Variants in ATXN1 observed in about 807,000 individuals in gnomAD.
ATXN1 encodes ataxin-1.
A neutral mutation model predicts 56.4 loss-of-function variants in ATXN1; 8 were observed. The ratio of observed to expected loss-of-function variants is 0.14; its 90% CI spans 0.08 to 0.26. The LOEUF is 0.26. ATXN1 is among the 10% of genes least tolerant of loss of function. The pLI is 1.00. For synonymous variants in ATXN1, 514 were observed against 494.6 expected, an observed-to-expected ratio of 1.04 and a Z score of -0.52; for missense variants, 987 against 1,106.5, an observed-to-expected ratio of 0.89 and a Z score of 1.53.
chr6:16,722,699 T>C (rs1719734562), intron 2 of ATXN1, among the ~76,000 whole-genome samples: 1 of 152,236 alleles, frequency 6.6e-6, no homozygotes, highest in Non-Finnish European at 1.5e-5. Flanking sequence ...ATGATAGTAA[T>C]CAAACCTGAG....
At chr6:16,374,782 T>C (rs961982234) in intron 6 of ATXN1, among the ~76,000 whole-genome samples, 1 of 152,146 alleles carries the variant, frequency 6.6e-6, no homozygotes, top group Non-Finnish European at 1.5e-5. Context: ...GGGAATGCTA[T>C]AGAAGGAGGA....
At chr6:16,403,659 T>C (rs2113540148) in intron 6 of ATXN1, among the ~76,000 whole-genome samples, 1 of 152,290 alleles carries the variant, frequency 6.6e-6, no homozygotes, top group East Asian at 1.9e-4. Context: ...CCCTAAGCTC[T>C]TTAAATGCAG....
chr6:16,529,825 A>C (rs972658082), intron 4 of ATXN1, among the ~76,000 whole-genome samples: 3 of 152,104 alleles, frequency 2.0e-5, no homozygotes, highest in Non-Finnish European at 1.5e-5. Context: ...CTCCATGGTA[A>C]ATTTTTGTCG....
intron 5 of ATXN1, among the ~76,000 whole-genome samples, chr6:16,498,210 C>A (rs758891654): frequency 3.3e-5 from 5 of 152,160 alleles, no homozygotes; most frequent in Admixed American, 6.5e-5. Context: ...GTTGTCTATT[C>A]TGGATGTTGT....
rs552750166 is a variant in ATXN1, at chr6:16,740,002, A to C, written c.-615+13231T>G. ...GTATCTCCTTGACTCCTGGGGGAAAAGCTGTAAAGAGATTGAGGAGGGCAC... is the reference window on the plus strand; with the variant it reads ...GTATCTCCTTGACTCCTGGGGGAAACGCTGTAAAGAGATTGAGGAGGGCAC... On this transcript the variant is annotated intron_variant, in intron 2 of 7. Coordinates refer to ENST00000436367, the MANE Select transcript of ATXN1 (RefSeq NM_001128164.2). 7.5e-6 allele frequency: 3 copies of C among 401,814 alleles called. No individual in the cohort carries two copies. In the Admixed American group the frequency reaches 7.8e-5, roughly 10 times the overall value. The allele number at this position is 401,814 out of a possible 1,614,324, so 24.9% of individuals were successfully genotyped here.
intron 3 of ATXN1, among the ~76,000 whole-genome samples, chr6:16,598,150 C>CA (rs1023438098): frequency 2.0e-5 from 3 of 151,938 alleles, no homozygotes; most frequent in Non-Finnish European, 2.9e-5. Context: ...AAAGTTAAAA[C>CA]AAAAAATTAA....
chr6:16,355,701 A>T (rs1458518864), intron 6 of ATXN1, among the ~76,000 whole-genome samples: 2 of 152,184 alleles, frequency 1.3e-5, no homozygotes, highest in Non-Finnish European at 2.9e-5. Flanking sequence ...AGCTGGGATT[A>T]TAGGCATGCG....
At chr6:16,392,729 C>T (rs1758381055) in intron 6 of ATXN1, among the ~76,000 whole-genome samples, 1 of 152,170 alleles carries the variant, frequency 6.6e-6, no homozygotes, top group Non-Finnish European at 1.5e-5. Context: ...CTCCTGACCT[C>T]AGGTGATCCA....
intron 2 of ATXN1, among the ~76,000 whole-genome samples, chr6:16,673,029 AAAAAAAAGAAAAG>A (rs944171037): frequency 6.6e-5 from 10 of 151,532 alleles, no homozygotes; most frequent in Non-Finnish European, 1.5e-4. Context: ...CCAAAAAAAA[AAAAAAAAGAAAAG>A]AAAAGAAAGA....
At chr6:16,344,991 C>T (rs1162324903) in intron 6 of ATXN1, among the ~76,000 whole-genome samples, 2 of 152,210 alleles carry the variant, frequency 1.3e-5, no homozygotes, top group African/African-American at 4.8e-5. Flanking sequence ...GACTGAAGTT[C>T]ACAACCCCTT....
At chr6:16,709,366 A>G (rs993598769) in intron 2 of ATXN1, among the ~76,000 whole-genome samples, 1 of 152,184 alleles carries the variant, frequency 6.6e-6, no homozygotes, top group African/African-American at 2.4e-5. Flanking sequence ...TACCAATAGC[A>G]AGAATAAACA....
At chr6:16,748,642 GA>G (rs529420265) in intron 2 of ATXN1, among the ~76,000 whole-genome samples, 5 of 152,138 alleles carry the variant, frequency 3.3e-5, no homozygotes, top group Non-Finnish European at 7.4e-5. Flanking sequence ...ATATTCCCTA[GA>G]GGGCCTTGTT....
intron 2 of ATXN1, among the ~76,000 whole-genome samples, chr6:16,729,073 A>G (rs1219763079): frequency 6.6e-6 from 1 of 152,226 alleles, no homozygotes; most frequent in East Asian, 1.9e-4. Flanking sequence ...AAGTCTTCCT[A>G]CAGAATGATG....
chr6:16,381,289 A>G (rs375264265), intron 6 of ATXN1, among the ~76,000 whole-genome samples: 29 of 152,256 alleles, frequency 1.9e-4, no homozygotes, highest in African/African-American at 6.7e-4. Context: ...CCATCATGAA[A>G]AAAAAAGGGG....
intron 2 of ATXN1, among the ~76,000 whole-genome samples, chr6:16,735,013 A>T (rs971149996): frequency 6.6e-6 from 1 of 152,142 alleles, no homozygotes; most frequent in Non-Finnish European, 1.5e-5. Flanking sequence ...ATTTTATTTT[A>T]TATTTAGTAA....
chr6:16,617,953 A>G (rs6941480), intron 3 of ATXN1, among the ~76,000 whole-genome samples: 35,392 of 151,562 alleles, frequency 0.23, 4,581 homozygotes, highest in African/African-American at 0.33. Context: ...ATCAAAATAA[A>G]CGATAAATAT....
chr6:16,532,588 C>T (rs1027562537), intron 4 of ATXN1, among the ~76,000 whole-genome samples: 5 of 152,024 alleles, frequency 3.3e-5, no homozygotes, highest in Non-Finnish European at 5.9e-5. Flanking sequence ...AGAAAATATG[C>T]AAATGACCAT....
At chr6:16,574,546 T>G (rs1420940737) in intron 4 of ATXN1, among the ~76,000 whole-genome samples, 1 of 152,226 alleles carries the variant, frequency 6.6e-6, no homozygotes, top group South Asian at 2.1e-4. Flanking sequence ...GGTTTCACCA[T>G]GTTGGCCAGT....
At chr6:16,648,024 G>A (rs891953891) in intron 3 of ATXN1, among the ~76,000 whole-genome samples, 9 of 152,156 alleles carry the variant, frequency 5.9e-5, no homozygotes, top group Admixed American at 1.3e-4. Context: ...GCAGTGAGCC[G>A]AAATTGCGCT....
Sources: allele counts gnomAD v4.1 joint callset (sites outside exome capture counted in the v4.1 genomes callset), GRCh38; gene constraint gnomAD v4.1.1; transcripts MANE v1.5; gene names NCBI Gene and HGNC (gene_info 2026-07-23, HGNC 2026-07-21).